The following BIVM variants were observed in gnomAD, a reference collection of about 807,000 sequenced individuals.
The protein encoded by BIVM is basic, immunoglobulin-like variable motif containing.
Under a neutral mutation model 61.4 loss-of-function variants are expected in BIVM, and 31 were observed. That is an observed-to-expected ratio of 0.51 (90% CI 0.38 to 0.68). BIVM has a LOEUF of 0.68. Among genes scored for constraint, BIVM ranks in the 30% least tolerant of loss-of-function variants. The probability of loss-of-function intolerance (pLI) is 0.00; values close to 1 mark genes in which losing one functional copy is unlikely to be tolerated. For synonymous variants in BIVM, 189 were observed against 210.7 expected (o/e 0.90, Z 0.89); for missense variants, 526 against 596.0 (o/e 0.88, Z 1.22).
intron 4 of BIVM, 61 bp downstream of exon 4, chr13:102,816,615 C>T (rs567780544): frequency 2.1e-5 from 29 of 1,372,796 alleles, no homozygotes; most frequent in Admixed American, 1.2e-4. Flanking sequence ...TTGGCAATAA[C>T]GTAGCAGTTT....
chr13:102,836,323 ATTGTT>A (rs780133923), intron 9 of BIVM, among the ~76,000 whole-genome samples: 1 of 151,896 alleles, frequency 6.6e-6, no homozygotes, highest in African/African-American at 2.4e-5. Context: ...CCTTTCTATT[ATTGTT>A]TTGAGACAGG....
Position 102,839,811 on chromosome 13 carries a change from T to C in BIVM, c.1458T>C (p.His486=), listed in dbSNP as rs900458840. Residue 486 remains histidine, a synonymous_variant, in exon 11 of 11, where the codon CAT becomes CAC. Coordinates refer to ENST00000257336, the MANE Select transcript of BIVM (RefSeq NM_017693.4). ...CATGGAAAAAGATGTCTAGTATCCATGAGAGAAGGAACAGTGGTTACCAGG... is the reference window on the plus strand; with the variant it reads ...CATGGAAAAAGATGTCTAGTATCCACGAGAGAAGGAACAGTGGTTACCAGG... ...DSAWKKMSSI[H]ERRNSGYQGY... is the part of the protein sequence containing the mutation. The C allele has an allele frequency of 4.3e-6, 7 of 1,613,844 alleles. No homozygotes were observed. Among genetic ancestry groups the C allele is most frequent in the Non-Finnish European group, 5.9e-6 (7 of 1,179,962 alleles).
chr13:102,836,283 T>C (rs892529941), intron 9 of BIVM, among the ~76,000 whole-genome samples: 1 of 152,158 alleles, frequency 6.6e-6, no homozygotes, highest in Non-Finnish European at 1.5e-5. Context: ...TTCTAGAAGC[T>C]TTATAGATTT....
In BIVM at chr13:102,821,130, A is replaced by G; in HGVS notation, c.699A>G (p.Gly233=). The change falls in exon 5 of 11, where the codon GGA becomes GGG. Residue 233 remains glycine (G), a splice_region_variant and synonymous_variant. Coordinates refer to ENST00000257336, the MANE Select transcript of BIVM (RefSeq NM_017693.4). ...TCTTATACAGCACAATGGGAGCTGG[A>G]AAGTAAGTATGTCAATTTATCAGTA... is the stretch of plus-strand genomic sequence containing the variant. ...WNFLYSTMGA[G]NLPPITQEEA... is the part of the protein sequence containing the mutation. 1 of 1,609,818 alleles carries G rather than the reference A, an allele frequency of 6.2e-7. No individual in the cohort carries two copies. Among genetic ancestry groups the G allele is most frequent in the South Asian group, 1.1e-5 (1 of 89,752 alleles).
rs747342958 is a variant in BIVM, at chr13:102,839,814, G to A, written c.1461G>A (p.Glu487=). ...SAWKKMSSIH[E]RRNSGYQGYS... ...GGAAAAAGATGTCTAGTATCCATGA[G>A]AGAAGGAACAGTGGTTACCAGGGTT... The change falls in exon 11 of 11, where the codon GAG becomes GAA. Residue 487 remains glutamate (E), a synonymous_variant. Coordinates refer to ENST00000257336, the MANE Select transcript of BIVM (RefSeq NM_017693.4). The A allele has an allele frequency of 1.2e-6, 2 of 1,613,996 alleles. No homozygotes were observed. Among genetic ancestry groups the A allele is most frequent in the Non-Finnish European group, 1.7e-6 (2 of 1,180,030 alleles).
intron 2 of BIVM, among the ~76,000 whole-genome samples, chr13:102,806,464 G>T (rs908334422): frequency 1.7e-4 from 26 of 152,136 alleles, no homozygotes; most frequent in South Asian, 6.2e-4. Flanking sequence ...TGGCCAGGCT[G>T]GTCTCGAACT....
chr13:102,833,446 G>C (rs1456919294), intron 8 of BIVM, among the ~76,000 whole-genome samples: 1 of 149,886 alleles, frequency 6.7e-6, no homozygotes, highest in Non-Finnish European at 1.5e-5. Flanking sequence ...TCCCACCTCA[G>C]CCTCCTGAGT....
intron 7 of BIVM, 28 bp downstream of exon 7, chr13:102,822,187 A>G: frequency 6.3e-7 from 1 of 1,584,528 alleles, no homozygotes; most frequent in Non-Finnish European, 8.7e-7. Flanking sequence ...AGATTTACAT[A>G]CACACATACA....
rs1340099489 is a variant in BIVM at position 102,815,617 on chromosome 13, A to G, written c.479-811A>G. Among the ~76,000 whole-genome samples the G allele has an allele frequency of 2.6e-5, 4 of 152,308 alleles. No individual in the cohort carries two copies. The East Asian group carries it at 7.7e-4, about 29-fold the overall frequency. Reference sequence around the variant, plus strand: ...GTACCCCTAAGCATGTACACCTACTATGTACTCTCAAAAATTAAAAAAAAT... The same window carrying G: ...GTACCCCTAAGCATGTACACCTACTGTGTACTCTCAAAAATTAAAAAAAAT... On this transcript the variant is annotated intron_variant, in intron 3 of 10. Transcript: ENST00000257336.
chr13:102,824,425 A>G (rs966587191), intron 7 of BIVM, among the ~76,000 whole-genome samples: 4 of 152,224 alleles, frequency 2.6e-5, no homozygotes, highest in Non-Finnish European at 5.9e-5. Flanking sequence ...ATGTTCTAAT[A>G]TTTTGTTTCT....
chr13:102,803,935 G>A (rs113824470), intron 1 of BIVM, among the ~76,000 whole-genome samples: 4,809 of 152,228 alleles, frequency 0.032, 76 homozygotes, highest in African/African-American at 0.033. Context: ...TGCCATCACC[G>A]TTGCACCACC....
At chr13:102,800,819 C>G (rs756428049) in intron 1 of BIVM, 7 of 152,384 alleles carry the variant, frequency 4.6e-5, no homozygotes, top group South Asian at 2.1e-4. Context: ...GGGCTATGCG[C>G]CTCTGGTTTC....
Position 102,839,955 on chromosome 13 carries a change from A to T in BIVM, c.*90A>T. 7.5e-7 allele frequency: 1 copy of T among 1,324,696 alleles called. No homozygotes were observed. Among genetic ancestry groups the T allele is most frequent in the Non-Finnish European group, 1.0e-6 (1 of 973,014 alleles). 82.1% of individuals were successfully genotyped at this position (1,324,696 alleles called of 1,614,324 possible). A position where few individuals can be genotyped will look rare whatever the true frequency, so the allele number is the denominator to read the frequency against. ...CAGTAGAAGATTTTAGTAAGCCTAC[A>T]TTAAATAGGAGCAGATCTTGTGGTA... On this transcript the variant is annotated 3_prime_UTR_variant, in exon 11 of 11. Coordinates refer to ENST00000257336, the MANE Select transcript of BIVM (RefSeq NM_017693.4).
intron 4 of BIVM, among the ~76,000 whole-genome samples, chr13:102,819,470 A>G (rs3825516): frequency 0.2 from 30,376 of 152,140 alleles, 3,903 homozygotes; most frequent in Non-Finnish European, 0.28. Context: ...AGTGATAGTT[A>G]TTAGCTTTTG....
chr13:102,813,007 G>C (rs1879608963), intron 3 of BIVM, among the ~76,000 whole-genome samples: 1 of 152,222 alleles, frequency 6.6e-6, no homozygotes, highest in Non-Finnish European at 1.5e-5. Context: ...GGGATAGGTA[G>C]TTGTACCTTG....
intron 7 of BIVM, among the ~76,000 whole-genome samples, chr13:102,826,720 C>A (rs1595356665): frequency 6.6e-6 from 1 of 152,130 alleles, no homozygotes; most frequent in Non-Finnish European, 1.5e-5. Context: ...TACTTGTTTT[C>A]TTTTTGCCTG....
chr13:102,833,393 T>A (rs1881255989), intron 8 of BIVM, among the ~76,000 whole-genome samples: 1 of 138,186 alleles, frequency 7.2e-6, no homozygotes, highest in Non-Finnish European at 1.5e-5. Context: ...AGTGGTGAGA[T>A]CATAGCTCAC....
At chr13:102,803,225 A>T (rs113059217) in intron 1 of BIVM, among the ~76,000 whole-genome samples, 1 of 151,732 alleles carries the variant, frequency 6.6e-6, no homozygotes, top group African/African-American at 2.4e-5. Context: ...AATCCCTGCC[A>T]GGTGCAGTGG....
intron 5 of BIVM, 78 bp from the exon 6 acceptor site, chr13:102,821,665 C>A: frequency 1.6e-6 from 2 of 1,223,672 alleles, no homozygotes; most frequent in Non-Finnish European, 2.3e-6. Flanking sequence ...ATCAGACAAG[C>A]ATATTAACAT....
Sources: gnomAD v4.1 joint callset for allele counts (sites outside exome capture counted in the v4.1 genomes callset) on GRCh38, gnomAD v4.1.1 for gene constraint, MANE v1.5 for transcripts, NCBI Gene and HGNC (gene_info 2026-07-23, HGNC 2026-07-21) for gene names.